Variants in MYH15 observed in about 807,000 individuals in gnomAD.
MYH15 encodes the protein myosin heavy chain 15, also known as myosin-15.
In MYH15, 227 loss-of-function variants were observed where a neutral mutation model predicts 240.5. The ratio of observed to expected loss-of-function variants is 0.94; its 90% confidence interval spans 0.85 to 1.05. MYH15 has a LOEUF of 1.05. MYH15 is among the 50% of genes least tolerant of loss of function. The pLI, the probability that MYH15 is intolerant of heterozygous loss-of-function variation, is 0.00. For missense variants in MYH15, 2,217 were observed against 2,247.5 expected, an observed-to-expected ratio of 0.99 and a Z score of 0.27; for synonymous variants, 785 against 796.7, an observed-to-expected ratio of 0.99 and a Z score of 0.25.
chr3:108,410,984 C>G lies in MYH15; in HGVS notation c.4146-52G>C, dbSNP rs373851079. 312 of 1,432,302 alleles carry G rather than the reference C, an allele frequency of 2.2e-4. 3 individuals are homozygous for G. The South Asian group carries it at 2.4e-3, about 11-fold the overall frequency. The allele number at this position is 1,432,302 out of a possible 1,614,324, so 88.7% of individuals were successfully genotyped here. On this transcript the variant is annotated intron_variant, in intron 30 of 40. Transcript: ENST00000693548. ...GAGTGAGGCAATAACTCTCAGAGAG[C>G]TCATCAAGTCTGCCCTGGATTAAAG... is the stretch of plus-strand genomic sequence containing the variant.
chr3:108,464,878 A>C (rs959806992), intron 14 of MYH15, 64 bp from the exon 15 acceptor site: 20 of 1,430,268 alleles, frequency 1.4e-5, no homozygotes, highest in African/African-American at 4.3e-5. Flanking sequence ...GTAGGGGGTC[A>C]GTATAAATTC....
chr3:108,534,808 G>A, the MYH15 span, among the ~76,000 whole-genome samples: 3 of 152,058 alleles, frequency 2.0e-5, no homozygotes, highest in Non-Finnish European at 4.4e-5. Flanking sequence ...TTGAGCCCAG[G>A]AGGTTGAGGC....
intron 21 of MYH15, among the ~76,000 whole-genome samples, chr3:108,446,171 C>T (rs1468722712): frequency 1.3e-5 from 2 of 152,160 alleles, no homozygotes; most frequent in Admixed American, 6.5e-5. Context: ...CAAGGGTGTT[C>T]CAGTAGATCC....
At chr3:108,455,938 G>T in intron 19 of MYH15, 79 bp from the exon 20 acceptor site, 1 of 1,388,300 alleles carries the variant, frequency 7.2e-7, no homozygotes, top group Non-Finnish European at 1.0e-6. Flanking sequence ...CAAATGAGGT[G>T]AAAGGAGACA....
At position 108,470,823 on chromosome 3, in the gene MYH15, A is replaced by T. The variant is rs1397475191; in HGVS notation, c.1258T>A (p.Ser420Thr). The change falls in exon 13 of 41, where the codon TCC becomes ACC. Residue 420 changes from serine (S) to threonine (T), a missense_variant. Coordinates refer to ENST00000693548, the MANE Select transcript of MYH15 (RefSeq NM_014981.3). ...AACATCCTTTCATACATTGACTTGGACAGGGCACCGACAGCACAGGTTACC... is the reference window on the plus strand; with the variant it reads ...AACATCCTTTCATACATTGACTTGGTCAGGGCACCGACAGCACAGGTTACC... ...EQVTCAVGAL[S>T]KSMYERMFKW... The T allele has an allele frequency of 8.7e-6, 14 of 1,613,644 alleles. No homozygotes were observed. The highest frequency in any genetic ancestry group is 1.2e-5 in the Non-Finnish European group (14 of 1,179,810).
At chr3:108,459,776 C>A (rs2083055772) in intron 17 of MYH15, among the ~76,000 whole-genome samples, 1 of 151,904 alleles carries the variant, frequency 6.6e-6, no homozygotes, top group Non-Finnish European at 1.5e-5. Flanking sequence ...CTGTGGAAAA[C>A]CTTTATCTTA....
intron 25 of MYH15, among the ~76,000 whole-genome samples, chr3:108,436,993 T>G (rs573933338): frequency 6.6e-6 from 1 of 152,254 alleles, no homozygotes; most frequent in African/African-American, 2.4e-5. Flanking sequence ...CTGAGTTCTT[T>G]GGGGTGTAAG....
intron 24 of MYH15, among the ~76,000 whole-genome samples, 154 bp downstream of exon 24, chr3:108,439,583 A>G (rs988567411): frequency 3.3e-5 from 5 of 152,234 alleles, no homozygotes; most frequent in Non-Finnish European, 7.3e-5. Context: ...GGTTTTGTGT[A>G]TAAGAAAAAG....
intron 27 of MYH15, among the ~76,000 whole-genome samples, chr3:108,424,192 G>T (rs1947542): frequency 0.75 from 114,773 of 152,152 alleles, 44,732 homozygotes; most frequent in Non-Finnish European, 0.87. Flanking sequence ...AGGTCTCCAC[G>T]TGGTGAAGGC....
intron 16 of MYH15, among the ~76,000 whole-genome samples, chr3:108,462,257 A>G (rs546616369): frequency 1.1e-3 from 171 of 152,208 alleles, no homozygotes; most frequent in Non-Finnish European, 1.9e-3. Context: ...AATCCATCAC[A>G]TGATGGTGCA....
chr3:108,435,797 G>A (rs2082828158), intron 25 of MYH15, among the ~76,000 whole-genome samples: 1 of 143,140 alleles, frequency 7.0e-6, no homozygotes, highest in African/African-American at 2.6e-5. Flanking sequence ...TATTTCAATA[G>A]GTTTTTGTGT....
intron 1 of MYH15, among the ~76,000 whole-genome samples, chr3:108,507,847 G>A (rs552202395): frequency 3.3e-5 from 5 of 152,186 alleles, no homozygotes; most frequent in Non-Finnish European, 7.4e-5. Flanking sequence ...TTTGTGTTAT[G>A]TCTATGAAAA....
chr3:108,448,801 AAAAAGAGGAAAC>A (rs1398519830), intron 21 of MYH15, among the ~76,000 whole-genome samples: 1 of 151,960 alleles, frequency 6.6e-6, no homozygotes, highest in African/African-American at 2.4e-5. Flanking sequence ...AGTAATTAGC[AAAAAGAGGAAAC>A]AAAAGTCATT....
intron 24 of MYH15, among the ~76,000 whole-genome samples, chr3:108,438,857 A>G (rs535854102): frequency 1.3e-5 from 2 of 152,174 alleles, no homozygotes; most frequent in East Asian, 3.9e-4. Flanking sequence ...GGAGAGAATA[A>G]GTGTGTGGGT....
At chr3:108,456,456 G>A (rs902367242) in intron 19 of MYH15, among the ~76,000 whole-genome samples, 9 of 152,122 alleles carry the variant, frequency 5.9e-5, no homozygotes, top group South Asian at 2.1e-4. Flanking sequence ...TAGCAGCTAC[G>A]ATTAAGTATA....
At chr3:108,415,303 A>G (rs2082624552) in intron 29 of MYH15, among the ~76,000 whole-genome samples, 2 of 152,200 alleles carry the variant, frequency 1.3e-5, no homozygotes, top group South Asian at 4.1e-4. Flanking sequence ...CTGAGGGCAC[A>G]AGGTTTAGTT....
intron 1 of MYH15, among the ~76,000 whole-genome samples, chr3:108,507,303 A>G (rs1038333814): frequency 7.3e-6 from 1 of 136,196 alleles, no homozygotes; most frequent in Non-Finnish European, 1.6e-5. Context: ...GCCTTAGTAG[A>G]AGCTCACAGA....
intron 19 of MYH15, 142 bp downstream of exon 19, chr3:108,456,624 T>C (rs1442915595): frequency 1.6e-6 from 1 of 630,854 alleles, no homozygotes; most frequent in Non-Finnish European, 2.8e-6. Flanking sequence ...TCTGTCATCA[T>C]ATATCTTCCC....
chr3:108,490,509 A>G (rs1465450817), intron 9 of MYH15, among the ~76,000 whole-genome samples: 1 of 152,180 alleles, frequency 6.6e-6, no homozygotes, highest in Non-Finnish European at 1.5e-5. Context: ...TGCCACTTTA[A>G]ATGGTCTGCC....
Sources: allele counts gnomAD v4.1 joint callset (sites outside exome capture counted in the v4.1 genomes callset), GRCh38; gene constraint gnomAD v4.1.1; transcripts MANE v1.5; gene names NCBI Gene and HGNC (gene_info 2026-07-23, HGNC 2026-07-21).